Variants in WIPF1 observed in about 807,000 individuals in gnomAD.
WIPF1 encodes WAS/WASL-interacting protein family member 1.
WIPF1 carries 13 observed loss-of-function variants against 35.4 expected under a neutral mutation model. That is an observed-to-expected ratio of 0.37 (90% CI 0.24 to 0.58). WIPF1 has a LOEUF of 0.58. Among genes scored for constraint, WIPF1 ranks in the 20% least tolerant of loss-of-function variants. The probability of loss-of-function intolerance (pLI) is 0.74; values close to 1 mark genes in which losing one functional copy is unlikely to be tolerated. For synonymous variants in WIPF1, 267 were observed against 266.3 expected (o/e 1.00, Z -0.02); for missense variants, 591 against 667.0 (o/e 0.89, Z 1.25).
chr2:174,603,660 AG>A (rs1686072563), intron 1 of WIPF1, among the ~76,000 whole-genome samples: 1 of 152,224 alleles, frequency 6.6e-6, no homozygotes, highest in African/African-American at 2.4e-5. Flanking sequence ...AACTGACTAG[AG>A]GCACAGAGGG....
intron 2 of WIPF1, among the ~76,000 whole-genome samples, chr2:174,585,025 G>A (rs993917797): frequency 4.6e-5 from 7 of 152,206 alleles, no homozygotes; most frequent in African/African-American, 1.4e-4. Context: ...CAGAGGTGGT[G>A]GAGGGAGATA....
rs1687814800 is a variant in WIPF1, at chr2:174,663,146, T to C, written c.-39+19628A>G. ...AAAATAAGGTCCGGAGGACCATCTATGGGGATCAGGGCCACAGCTGAGGCT... is the reference window on the plus strand; with the variant it reads ...AAAATAAGGTCCGGAGGACCATCTACGGGGATCAGGGCCACAGCTGAGGCT... On this transcript the variant is annotated intron_variant, in intron 1 of 8. Transcript: ENST00000272746. 2.0e-5 allele frequency among the ~76,000 whole-genome samples: 3 copies of C among 152,156 alleles called. No homozygotes were observed. The South Asian group carries it at 6.2e-4, about 32-fold the overall frequency.
intron 1 of WIPF1, among the ~76,000 whole-genome samples, chr2:174,617,810 T>G (rs960411917): frequency 6.6e-6 from 1 of 152,202 alleles, no homozygotes; most frequent in African/African-American, 2.4e-5. Context: ...TGTATTTTCT[T>G]GGCCAGTCCA....
At chr2:174,580,627 T>G (rs532218708) in intron 3 of WIPF1, among the ~76,000 whole-genome samples, 1 of 152,322 alleles carries the variant, frequency 6.6e-6, no homozygotes, top group African/African-American at 2.4e-5. Flanking sequence ...AGGCTTAAGA[T>G]CTACTTATTA....
At chr2:174,619,392 G>A (rs1686607989) in intron 1 of WIPF1, among the ~76,000 whole-genome samples, 1 of 152,008 alleles carries the variant, frequency 6.6e-6, no homozygotes. Context: ...TGCAGTGATT[G>A]TACCATTGCA....
intron 4 of WIPF1, among the ~76,000 whole-genome samples, chr2:174,573,893 T>TC (rs969402424): frequency 9.6e-5 from 14 of 145,666 alleles, no homozygotes; most frequent in Admixed American, 2.0e-4. Flanking sequence ...TTCTTCTTCT[T>TC]TTTTTTTTTT....
chr2:174,616,767 A>C (rs372267498), intron 1 of WIPF1, among the ~76,000 whole-genome samples: 142 of 152,324 alleles, frequency 9.3e-4, no homozygotes, highest in South Asian at 3.3e-3. Flanking sequence ...CTGCTACCAA[A>C]ATTTCAAAAA....
In WIPF1 at chr2:174,670,388, G is replaced by A. The variant is rs74554466; in HGVS notation, c.-39+12386C>T. On this transcript the variant is annotated intron_variant, in intron 1 of 8. Transcript: ENST00000272746. The stretch of plus-strand genomic sequence containing the variant: ...TTAGGATTCTGCTATGCTCTCTTGG[G>A]CATCTAAGTTAGAATTCAGAAAGCC... Among the ~76,000 whole-genome samples, 274 of 152,276 alleles carry A rather than the reference G, an allele frequency of 1.8e-3. 6 individuals carry two copies. In the East Asian group the frequency reaches 0.048, roughly 27 times the overall value.
At chr2:174,567,299 A>G in intron 6 of WIPF1, 116 bp from the exon 7 acceptor site, 7 of 966,238 alleles carry the variant, frequency 7.2e-6, no homozygotes, top group Non-Finnish European at 1.1e-5. Flanking sequence ...GCTAGTTTTT[A>G]TGCCTAGAAG....
chr2:174,642,221 G>A lies in WIPF1; in HGVS notation c.-39+40553C>T, dbSNP rs139095141. On this transcript the variant is annotated intron_variant, in intron 1 of 8. Coordinates refer to the WIPF1 transcript ENST00000272746. ...CTTATCTCAGCTTTCCATTCTCACT[G>A]CAGCAGCTCTCCTAGGGACCCTGCA... Among the ~76,000 whole-genome samples, 31 of 152,112 alleles carry A rather than the reference G, an allele frequency of 2.0e-4. 1 individual carries two copies. In the East Asian group the frequency reaches 6.0e-3, roughly 29 times the overall value.
intron 1 of WIPF1, among the ~76,000 whole-genome samples, chr2:174,653,690 C>T (rs1235190794): frequency 2.1e-5 from 3 of 146,274 alleles, no homozygotes; most frequent in Admixed American, 7.0e-5. Context: ...TGCAGTGAGC[C>T]GAGATCACGC....
At chr2:174,589,113 C>A (rs1041459558) in intron 1 of WIPF1, among the ~76,000 whole-genome samples, 7 of 152,212 alleles carry the variant, frequency 4.6e-5, no homozygotes, top group African/African-American at 1.7e-4. Context: ...CTCACTCAGC[C>A]CCTGGATCAA....
At chr2:174,663,750 C>T (rs1200873539) in intron 1 of WIPF1, among the ~76,000 whole-genome samples, 1 of 152,206 alleles carries the variant, frequency 6.6e-6, no homozygotes, top group East Asian at 1.9e-4. Context: ...TCTTCTGTTT[C>T]GGGTGAGCTC....
rs1864451 is a variant in WIPF1, at chr2:174,590,895, G to C, written c.-38-5284C>G. Reference sequence around the variant, plus strand: ...TCTACAAACACAAAGAAAACTCAAGGGACAGAAAAGGCTTTTGTTTTCACA... The same window carrying C: ...TCTACAAACACAAAGAAAACTCAAGCGACAGAAAAGGCTTTTGTTTTCACA... On this transcript the variant is annotated intron_variant, in intron 1 of 7. Transcript: ENST00000679041. This position sits in a 1 kb window ranked among gnomAD's most constrained non-coding sequence, Gnocchi z 4.6. 0.3 allele frequency among the ~76,000 whole-genome samples: 46,348 copies of C among 152,034 alleles called. 7,392 individuals carry two copies. Among genetic ancestry groups the C allele is most frequent in the Middle Eastern group, 0.36 (105 of 294 alleles).
chr2:174,659,615 C>T (rs934903360), intron 1 of WIPF1, among the ~76,000 whole-genome samples: 7 of 152,090 alleles, frequency 4.6e-5, no homozygotes, highest in African/African-American at 1.7e-4. Context: ...CTGGAAGGGA[C>T]TCCGGATTAT....
chr2:174,635,449 G>C (rs1342419580), intron 1 of WIPF1, among the ~76,000 whole-genome samples: 2 of 151,690 alleles, frequency 1.3e-5, no homozygotes, highest in African/African-American at 4.8e-5. Flanking sequence ...GGCTGGAGGA[G>C]AGCTGGAGCA....
chr2:174,670,029 G>A (rs4517944), intron 1 of WIPF1, among the ~76,000 whole-genome samples: 8,557 of 152,236 alleles, frequency 0.056, 837 homozygotes, highest in African/African-American at 0.19. Context: ...TCTTGCAAGA[G>A]TAAGCATGAG....
At position 174,562,025 on chromosome 2, in the gene WIPF1, G is replaced by T; in HGVS notation, c.*522C>A. On this transcript the variant is annotated 3_prime_UTR_variant, in exon 8 of 8. Coordinates refer to ENST00000679041, the MANE Select transcript of WIPF1 (RefSeq NM_001375834.1). Reference sequence around the variant, plus strand: ...ATGGGGCTCACATTATATTTCTATTGGACAGCTCTGTCCTAGAGCCAAGCT... The same window carrying T: ...ATGGGGCTCACATTATATTTCTATTTGACAGCTCTGTCCTAGAGCCAAGCT... 1 of 1,531,302 alleles carries T rather than the reference G, an allele frequency of 6.5e-7. No individual in the cohort carries two copies. The highest frequency in any genetic ancestry group is 1.2e-5 in the South Asian group (1 of 83,576). The allele number at this position is 1,531,302 out of a possible 1,614,324, so 94.9% of individuals were successfully genotyped here. A position where few individuals can be genotyped will look rare whatever the true frequency, so the allele number is the denominator to read the frequency against.
intron 1 of WIPF1, among the ~76,000 whole-genome samples, chr2:174,624,285 G>A (rs1686759521): frequency 6.6e-6 from 1 of 152,204 alleles, no homozygotes; most frequent in South Asian, 2.1e-4. Flanking sequence ...TGGAGGAGAA[G>A]TCTTCCCGCA....
Sources: gnomAD v4.1 joint callset for allele counts (sites outside exome capture counted in the v4.1 genomes callset) on GRCh38, gnomAD v4.1.1 for gene constraint, Gnocchi (gnomAD v3.1) non-coding constraint, MANE v1.5 for transcripts, NCBI Gene and HGNC (gene_info 2026-07-23, HGNC 2026-07-21) for gene names.